Variants in ANO10 observed in about 807,000 individuals in gnomAD.
The protein encoded by ANO10 is anoctamin-10.
A neutral mutation model predicts 74.7 loss-of-function variants in ANO10; 77 were observed. That is an observed-to-expected ratio of 1.03 (90% CI 0.86 to 1.25). The LOEUF (loss-of-function observed/expected upper bound fraction) is 1.25. Ranked by LOEUF, ANO10 falls within the 50% of genes most tolerant of loss-of-function variation. The pLI is 0.00. For synonymous variants in ANO10, 279 were observed against 284.9 expected, an observed-to-expected ratio of 0.98 and a Z score of 0.21; for missense variants, 721 against 778.1, an observed-to-expected ratio of 0.93 and a Z score of 0.87.
intron 11 of ANO10, among the ~76,000 whole-genome samples, chr3:43,492,274 T>C (rs563716733): frequency 5.9e-5 from 9 of 152,290 alleles, no homozygotes; most frequent in African/African-American, 2.2e-4. Flanking sequence ...CCTTACACCT[T>C]ATACAAAAAT....
At chr3:43,533,879 G>A (rs1013780665) in intron 11 of ANO10, among the ~76,000 whole-genome samples, 2 of 152,164 alleles carry the variant, frequency 1.3e-5, no homozygotes, top group Non-Finnish European at 2.9e-5. Context: ...TTTGTTAATT[G>A]CCAATAGCAT....
At position 43,366,623 on chromosome 3, in the gene ANO10, C is replaced by T. The variant is rs2091419250; in HGVS notation, c.*283G>A. The T allele has an allele frequency of 1.9e-6, 1 of 520,814 alleles. No homozygotes were observed. The highest frequency in any genetic ancestry group is 3.5e-6 in the Non-Finnish European group (1 of 286,820). 32.3% of individuals were successfully genotyped at this position (520,814 alleles called of 1,614,324 possible). ...CTCATGGTGAGAGGCTCAAGGGCGGCAGTGGCTCTGCAGCAAAGTTGGCAG... is the reference window on the plus strand; with the variant it reads ...CTCATGGTGAGAGGCTCAAGGGCGGTAGTGGCTCTGCAGCAAAGTTGGCAG... On this transcript the variant is annotated 3_prime_UTR_variant, in exon 13 of 13. Transcript: ENST00000292246.
intron 11 of ANO10, among the ~76,000 whole-genome samples, chr3:43,476,081 T>C (rs1211570085): frequency 6.6e-6 from 1 of 152,224 alleles, no homozygotes; most frequent in Non-Finnish European, 1.5e-5. Context: ...GAATCATATA[T>C]TTTGATACAC....
At chr3:43,583,657 C>T (rs1341224894) in intron 4 of ANO10, among the ~76,000 whole-genome samples, 1 of 152,192 alleles carries the variant, frequency 6.6e-6, no homozygotes, top group African/African-American at 2.4e-5. Context: ...ATGCTACCTC[C>T]GATCCAGCAG....
rs535877397 is a variant in ANO10 at position 43,674,332 on chromosome 3, T to C, written c.-12+17185A>G. On this transcript the variant is annotated intron_variant, in intron 1 of 3. Coordinates refer to the ANO10 transcript ENST00000413397. ...TTGTTTACTTATTTTTATTTTTTCG[T>C]AGAGATGAGGTCTCACTATGTTGTC... Among the ~76,000 whole-genome samples, 4 of 152,220 alleles carry C rather than the reference T, an allele frequency of 2.6e-5. No homozygotes were observed. In the East Asian group the frequency reaches 7.7e-4, roughly 29 times the overall value.
chr3:43,557,432 G>A (rs1480955429), intron 9 of ANO10, among the ~76,000 whole-genome samples: 4 of 151,994 alleles, frequency 2.6e-5, no homozygotes, highest in Non-Finnish European at 4.4e-5. Context: ...AAATTATTGA[G>A]GACATTAAAG....
chr3:43,541,156 G>C (rs1414872141), intron 11 of ANO10, among the ~76,000 whole-genome samples: 1 of 152,182 alleles, frequency 6.6e-6, no homozygotes, highest in Non-Finnish European at 1.5e-5. Context: ...GACCAGATTA[G>C]TAACTTAGTT....
At chr3:43,614,448 A>T (rs1047812147) in intron 1 of ANO10, among the ~76,000 whole-genome samples, 2 of 152,164 alleles carry the variant, frequency 1.3e-5, no homozygotes, top group Admixed American at 6.5e-5. Flanking sequence ...AAATAAAAAA[A>T]CATAAAAATA....
At chr3:43,390,776 A>C (rs1389968397) in intron 12 of ANO10, among the ~76,000 whole-genome samples, 1 of 152,214 alleles carries the variant, frequency 6.6e-6, no homozygotes, top group Non-Finnish European at 1.5e-5. Context: ...TGCAACTAGC[A>C]ATTTCAGATG....
intron 11 of ANO10, among the ~76,000 whole-genome samples, chr3:43,458,258 G>A (rs1372079522): frequency 6.6e-6 from 1 of 152,100 alleles, no homozygotes; most frequent in Non-Finnish European, 1.5e-5. Context: ...GGAGACCACT[G>A]TGCAATAAGA....
chr3:43,624,535 T>TCGCCATGTGATATGCCTGCTCC (rs2083475522), upstream of ANO10, among the ~76,000 whole-genome samples: 1 of 152,210 alleles, frequency 6.6e-6, no homozygotes. Flanking sequence ...GCTCCTGCTC[T>TCGCCATGTGATATGCCTGCTCC]CGCCATGTGA....
At chr3:43,367,500 T>G (rs2091453963) in intron 12 of ANO10, among the ~76,000 whole-genome samples, 1 of 152,126 alleles carries the variant, frequency 6.6e-6, no homozygotes, top group Non-Finnish European at 1.5e-5. Context: ...CAGCCTTTTG[T>G]CCCTAGTACA....
chr3:43,535,477 T>C (rs1352732225), intron 11 of ANO10, among the ~76,000 whole-genome samples: 1 of 152,062 alleles, frequency 6.6e-6, no homozygotes, highest in Non-Finnish European at 1.5e-5. Flanking sequence ...GATTTCAACA[T>C]GTTGGCCAGA....
chr3:43,425,861 C>T (rs2092892573), intron 12 of ANO10, among the ~76,000 whole-genome samples: 1 of 152,152 alleles, frequency 6.6e-6, no homozygotes, highest in Non-Finnish European at 1.5e-5. Flanking sequence ...ATTAATACAG[C>T]CAGTCCTTTC....
intron 11 of ANO10, among the ~76,000 whole-genome samples, chr3:43,447,416 T>C (rs530060408): frequency 7.2e-5 from 11 of 152,336 alleles, no homozygotes; most frequent in Admixed American, 2.6e-4. Flanking sequence ...AAGGTGACAA[T>C]AGGTGTTTCA....
intron 4 of ANO10, among the ~76,000 whole-genome samples, chr3:43,598,142 T>C (rs1224164573): frequency 6.6e-6 from 1 of 152,228 alleles, no homozygotes; most frequent in African/African-American, 2.4e-5. Flanking sequence ...AATTCTAATT[T>C]GCATACCCAG....
intron 1 of ANO10, among the ~76,000 whole-genome samples, chr3:43,634,116 CAGACACACAAA>C (rs1187918259): frequency 6.6e-6 from 1 of 151,602 alleles, no homozygotes; most frequent in Non-Finnish European, 1.5e-5. Flanking sequence ...AGAAGATGGG[CAGACACACAAA>C]AGACCCATGC....
At chr3:43,550,976 A>G (rs563691126) in intron 10 of ANO10, among the ~76,000 whole-genome samples, 26 of 152,302 alleles carry the variant, frequency 1.7e-4, no homozygotes, top group Admixed American at 1.1e-3. Flanking sequence ...AGCATACTAC[A>G]TACTGTCAGG....
chr3:43,426,532 C>G (rs2092902489), intron 12 of ANO10, among the ~76,000 whole-genome samples: 1 of 138,372 alleles, frequency 7.2e-6, no homozygotes, highest in African/African-American at 2.7e-5. Flanking sequence ...CTCAAAGGCT[C>G]TAGGCAGCCA....
Sources: gnomAD v4.1 joint callset for allele counts (sites outside exome capture counted in the v4.1 genomes callset) on GRCh38, gnomAD v4.1.1 for gene constraint, MANE v1.5 for transcripts, NCBI Gene and HGNC (gene_info 2026-07-23, HGNC 2026-07-21) for gene names.